BIRC2: variants seen among roughly 807,000 people sequenced by gnomAD.
BIRC2 encodes the protein baculoviral IAP repeat-containing protein 2.
Under a neutral mutation model 60.9 loss-of-function variants are expected in BIRC2, and 18 were observed. The ratio of observed to expected loss-of-function variants is 0.30; its 90% CI spans 0.20 to 0.44. The LOEUF (loss-of-function observed/expected upper bound fraction) is 0.44, where lower values mean the gene tolerates loss of function less well. Among genes scored for constraint, BIRC2 ranks in the 20% least tolerant of loss-of-function variants. The pLI is 1.00. For missense variants in BIRC2, 701 were observed against 728.5 expected (o/e 0.96, Z 0.43); for synonymous variants, 282 against 247.7 (o/e 1.14, Z -1.30).
At position 102,360,784 on chromosome 11, in the gene BIRC2, GT is replaced by G. The variant is rs200030086; in HGVS notation, c.996-2101del. Among the ~76,000 whole-genome samples, 89 of 129,318 alleles carry G rather than the reference GT, an allele frequency of 6.9e-4. 1 individual carries two copies. Among genetic ancestry groups the G allele is most frequent in the African/African-American group, 2.0e-3 (70 of 34,944 alleles). The allele number at this position is 129,318 out of a possible 152,430, so 84.8% of individuals were successfully genotyped here. On this transcript the variant is annotated intron_variant, in intron 3 of 8. Coordinates refer to ENST00000227758, the MANE Select transcript of BIRC2 (RefSeq NM_001166.5). ...CATTACAGATTAGTGTGTTTTTTTT[GT>G]TTTTTTTTTTGTGGGCAAAGATCTT... is the stretch of plus-strand genomic sequence containing the variant.
chr11:102,375,761 CAG>C (rs1951705158), intron 6 of BIRC2, among the ~76,000 whole-genome samples: 1 of 142,312 alleles, frequency 7.0e-6, no homozygotes, highest in South Asian at 2.2e-4. Flanking sequence ...GCCTGGGTGA[CAG>C]AGCCAGACTC....
chr11:102,356,255 G>A (rs1951418829), intron 3 of BIRC2, among the ~76,000 whole-genome samples: 1 of 150,774 alleles, frequency 6.6e-6, no homozygotes. Context: ...GAATGCAGTG[G>A]CGCAATCTGA....
intron 6 of BIRC2, among the ~76,000 whole-genome samples, chr11:102,374,947 C>G (rs1476541183): frequency 6.6e-6 from 1 of 152,214 alleles, no homozygotes; most frequent in African/African-American, 2.4e-5. Context: ...CGTCCGTTAC[C>G]CCTTTCTTTG....
chr11:102,367,170 A>G (rs1044168685), intron 5 of BIRC2, among the ~76,000 whole-genome samples: 2 of 152,254 alleles, frequency 1.3e-5, no homozygotes, highest in African/African-American at 4.8e-5. Context: ...TCTAACTTCT[A>G]ATACCCAGAG....
chr11:102,377,110 G>A (rs566903486), intron 6 of BIRC2, among the ~76,000 whole-genome samples: 4 of 152,048 alleles, frequency 2.6e-5, no homozygotes, highest in Admixed American at 1.3e-4. Context: ...AGTAATACTC[G>A]CCTTGTTTAA....
At chr11:102,362,698 T>G (rs1951498595) in intron 3 of BIRC2, 198 bp from the exon 4 acceptor site, 2 of 457,992 alleles carry the variant, frequency 4.4e-6, no homozygotes, top group African/African-American at 1.9e-5. Context: ...GAAAATACCG[T>G]GATATATAAC....
chr11:102,352,493 C>T (rs1295723121), intron 3 of BIRC2, among the ~76,000 whole-genome samples: 1 of 152,066 alleles, frequency 6.6e-6, no homozygotes, highest in African/African-American at 2.4e-5. Context: ...TCACTGCAAC[C>T]TCCACCTCCC....
At chr11:102,373,368 G>T (rs555125010) in intron 6 of BIRC2, among the ~76,000 whole-genome samples, 69 of 152,284 alleles carry the variant, frequency 4.5e-4, no homozygotes, top group African/African-American at 1.5e-3. Flanking sequence ...GCCTGGTGGT[G>T]ACAAAATCTC....
Position 102,349,762 on chromosome 11 carries a change from T to A in BIRC2, c.-93T>A. The stretch of plus-strand genomic sequence containing the variant: ...GTGTAGTAAATTCTACATAAGAGTC[T>A]ATCATTGATTTCTTTTTGTGGTAAA... On this transcript the variant is annotated 5_prime_UTR_variant, in exon 2 of 9. Coordinates refer to ENST00000227758, the MANE Select transcript of BIRC2 (RefSeq NM_001166.5). 7.8e-7 allele frequency: 1 copy of A among 1,275,780 alleles called. No homozygotes were observed. The highest frequency in any genetic ancestry group is 1.1e-6 in the Non-Finnish European group (1 of 919,024). The allele number at this position is 1,275,780 out of a possible 1,614,324, so 79.0% of individuals were successfully genotyped here.
Position 102,347,287 on chromosome 11 carries a change from C to T in BIRC2, c.-1347C>T, listed in dbSNP as rs946315013. 2.0e-5 allele frequency: 3 copies of T among 152,308 alleles called. No individual in the cohort carries two copies. The highest frequency in any genetic ancestry group is 2.9e-5 in the Non-Finnish European group (2 of 68,100). 9.4% of individuals were successfully genotyped at this position (152,308 alleles called of 1,614,324 possible). A position where few individuals can be genotyped will look rare whatever the true frequency, so the allele number is the denominator to read the frequency against. On this transcript the variant is annotated 5_prime_UTR_variant, in exon 1 of 9. Transcript: ENST00000227758. The stretch of plus-strand genomic sequence containing the variant: ...CCGGGCTGATCCGAGCCGAGCGGGC[C>T]GTATCTCCTTGTCGGCGCCGCTGAT...
At position 102,362,884 on chromosome 11, in the gene BIRC2, CAT is replaced by C. The variant is rs572639543; in HGVS notation, c.996-9_996-8del. On this transcript the variant is annotated splice_polypyrimidine_tract_variant and intron_variant, in intron 3 of 8. Coordinates refer to ENST00000227758, the MANE Select transcript of BIRC2 (RefSeq NM_001166.5). Reference sequence around the variant, plus strand: ...AACAATTTTAAAAAATAATTTTCCTCATATGTTTTAGGTGTGAGTTCTTGATA... The same window carrying C: ...AACAATTTTAAAAAATAATTTTCCTCATGTTTTAGGTGTGAGTTCTTGATA... 3.1e-4 allele frequency: 490 copies of C among 1,600,818 alleles called. No individual in the cohort carries two copies. The highest frequency in any genetic ancestry group is 5.6e-4 in the East Asian group (25 of 44,704).
intron 6 of BIRC2, among the ~76,000 whole-genome samples, chr11:102,368,992 A>G (rs1298346300): frequency 6.6e-6 from 1 of 152,100 alleles, no homozygotes; most frequent in Non-Finnish European, 1.5e-5. Flanking sequence ...CTCATACACA[A>G]AATAGAACTT....
intron 3 of BIRC2, among the ~76,000 whole-genome samples, chr11:102,354,379 A>G (rs1041717922): frequency 2.6e-5 from 4 of 151,698 alleles, no homozygotes; most frequent in African/African-American, 7.3e-5. Flanking sequence ...CCGGCTAATT[A>G]CTCTGTTTTT....
intron 3 of BIRC2, 107 bp downstream of exon 3, chr11:102,351,050 T>C (rs1951352778): frequency 4.0e-6 from 4 of 988,344 alleles, no homozygotes; most frequent in Non-Finnish European, 6.1e-6. Context: ...GCCTCTTTTA[T>C]GCCATTGGGG....
intron 3 of BIRC2, among the ~76,000 whole-genome samples, chr11:102,351,821 T>C (rs1474930205): frequency 6.6e-6 from 1 of 152,222 alleles, no homozygotes. Flanking sequence ...GTCTTTGTAA[T>C]TGAGTAGCTA....
At chr11:102,375,596 C>T (rs1051801797) in intron 6 of BIRC2, among the ~76,000 whole-genome samples, 1 of 152,032 alleles carries the variant, frequency 6.6e-6, no homozygotes, top group Non-Finnish European at 1.5e-5. Context: ...CTGGCTAACA[C>T]GATGAAACCC....
chr11:102,376,043 A>G (rs908316958), intron 6 of BIRC2, among the ~76,000 whole-genome samples: 1 of 152,048 alleles, frequency 6.6e-6, no homozygotes, highest in Non-Finnish European at 1.5e-5. Flanking sequence ...AGAAAAGTCA[A>G]TTTAAGGATT....
At chr11:102,351,639 A>T (rs1346960625) in intron 3 of BIRC2, among the ~76,000 whole-genome samples, 3 of 141,792 alleles carry the variant, frequency 2.1e-5, no homozygotes, top group African/African-American at 8.0e-5. Flanking sequence ...AAAAAAAAAG[A>T]AAAAAGCATA....
At chr11:102,375,271 A>G (rs1565339571) in intron 6 of BIRC2, among the ~76,000 whole-genome samples, 1 of 152,202 alleles carries the variant, frequency 6.6e-6, no homozygotes, top group Non-Finnish European at 1.5e-5. Flanking sequence ...GTCAAGGAGT[A>G]TATACACTAG....
Sources: gnomAD v4.1 joint callset for allele counts (sites outside exome capture counted in the v4.1 genomes callset) on GRCh38, gnomAD v4.1.1 for gene constraint, MANE v1.5 for transcripts, NCBI Gene and HGNC (gene_info 2026-07-23, HGNC 2026-07-21) for gene names.